Variants in RSPH14 observed in about 807,000 individuals in gnomAD.
RSPH14 encodes the protein radial spoke head 14 homolog.
In RSPH14, 20 loss-of-function variants were observed where a neutral mutation model predicts 26.7. That is an observed-to-expected ratio of 0.75 (90% CI 0.53 to 1.09). The LOEUF is 1.09. Among genes scored for constraint, RSPH14 ranks in the 50% least tolerant of loss-of-function variants. The pLI is 0.00. For missense variants in RSPH14, 449 were observed against 457.2 expected (o/e 0.98, Z 0.16); for synonymous variants, 177 against 189.3 (o/e 0.93, Z 0.53).
chr22:23,145,163 A>C (rs112037182), upstream of RSPH14: 7 of 597,148 alleles, frequency 1.2e-5, no homozygotes, highest in African/African-American at 7.4e-5. Flanking sequence ...CTCCCAGCCG[A>C]GCTGATCACC....
At chr22:23,072,654 G>A (rs1026105233) in intron 4 of RSPH14, among the ~76,000 whole-genome samples, 2 of 152,240 alleles carry the variant, frequency 1.3e-5, no homozygotes, top group East Asian at 1.9e-4. Flanking sequence ...GCCTGCCCTC[G>A]TGGGGTGTGC....
At chr22:23,089,600 C>T (rs980894778) in intron 4 of RSPH14, among the ~76,000 whole-genome samples, 3 of 152,168 alleles carry the variant, frequency 2.0e-5, no homozygotes, top group Non-Finnish European at 4.4e-5. Context: ...AGGGCTATCA[C>T]TCAACATCTG....
At chr22:23,065,500 G>A (rs1569153956) in intron 4 of RSPH14, among the ~76,000 whole-genome samples, 1 of 116,552 alleles carries the variant, frequency 8.6e-6, no homozygotes, top group South Asian at 3.0e-4. Context: ...TGCTTCTACT[G>A]TGTTGGCCTT....
rs138170978 is a variant in RSPH14 at position 23,109,038 on chromosome 22, G to A, written c.421+24988C>T. On this transcript the variant is annotated intron_variant, in intron 4 of 6. Coordinates refer to ENST00000216036, the MANE Select transcript of RSPH14 (RefSeq NM_014433.3). Reference sequence around the variant, plus strand: ...GGGCCTGAAGCTCAGCTCCATATCCGATGTGTCATCGTGGGAAGAGCAGTG... The same window carrying A: ...GGGCCTGAAGCTCAGCTCCATATCCAATGTGTCATCGTGGGAAGAGCAGTG... 6.6e-4 allele frequency among the ~76,000 whole-genome samples: 100 copies of A among 152,348 alleles called. 1 individual carries two copies. The highest frequency in any genetic ancestry group is 1.9e-3 in the African/African-American group (81 of 41,582).
intron 4 of RSPH14, among the ~76,000 whole-genome samples, chr22:23,112,045 A>G (rs751788082): frequency 1.3e-5 from 2 of 152,174 alleles, no homozygotes; most frequent in African/African-American, 2.4e-5. Flanking sequence ...CTTGGGGGTA[A>G]CCAGGAAAGG....
At chr22:23,112,307 C>T (rs2069678930) in intron 4 of RSPH14, among the ~76,000 whole-genome samples, 1 of 152,250 alleles carries the variant, frequency 6.6e-6, no homozygotes, top group East Asian at 1.9e-4. Flanking sequence ...TCCTTCGGCC[C>T]CGCCCCAAGC....
In RSPH14 at chr22:23,130,067, GAAAGAAAGAAAGAAAGGAAGAAA is replaced by G. The variant is rs1569192297; in HGVS notation, c.421+3936_421+3958del. The stretch of plus-strand genomic sequence containing the variant: ...AGAAAGAAAGAGAAAGAAAAAGAAA[GAAAGAAAGAAAGAAAGGAAGAAA>G]GAAAGAAAGAAAGAAAGAAAGAAAG... On this transcript the variant is annotated intron_variant, in intron 4 of 6. Transcript: ENST00000216036. Among the ~76,000 whole-genome samples the G allele has an allele frequency of 5.8e-4, 18 of 30,838 alleles. 1 individual carries two copies. Among genetic ancestry groups the G allele is most frequent in the African/African-American group, 2.9e-3 (17 of 5,942 alleles). The allele number at this position is 30,838 out of a possible 152,430, so 20.2% of individuals were successfully genotyped here.
chr22:23,122,846 A>C, intron 4 of RSPH14: 1 of 573,924 alleles, frequency 1.7e-6, no homozygotes, highest in Admixed American at 3.0e-5. Flanking sequence ...GGAGAGACCC[A>C]AAAGGGGCAA....
chr22:23,060,061 C>CT (rs2068059857), intron 6 of RSPH14, among the ~76,000 whole-genome samples: 4 of 152,174 alleles, frequency 2.6e-5, no homozygotes, highest in Non-Finnish European at 4.4e-5. Flanking sequence ...TGCCTACAGT[C>CT]CCAGCTACTC....
At chr22:23,133,975 C>T (rs776422166) in intron 4 of RSPH14, 51 bp downstream of exon 4, 15 of 1,337,136 alleles carry the variant, frequency 1.1e-5, no homozygotes, top group African/African-American at 4.3e-5. Context: ...GAGAGGAGAC[C>T]GACGGACAAC....
At chr22:23,147,696 A>G (rs533907650), upstream of RSPH14, among the ~76,000 whole-genome samples, 1 of 152,288 alleles carries the variant, frequency 6.6e-6, no homozygotes, top group East Asian at 1.9e-4. Flanking sequence ...AATGTGCATA[A>G]GGATAGGGGT....
intron 4 of RSPH14, among the ~76,000 whole-genome samples, chr22:23,076,557 C>T (rs562361069): frequency 6.6e-6 from 1 of 152,316 alleles, no homozygotes; most frequent in South Asian, 2.1e-4. Flanking sequence ...TGGATGCTAC[C>T]AGCTGGGCCC....
At chr22:23,088,842 C>A (rs1241302250) in intron 4 of RSPH14, among the ~76,000 whole-genome samples, 1 of 152,160 alleles carries the variant, frequency 6.6e-6, no homozygotes, top group Non-Finnish European at 1.5e-5. Context: ...GTGGCCTGGG[C>A]TGCCTGCCAC....
At chr22:23,094,800 TGA>T (rs1477827613) in intron 4 of RSPH14, among the ~76,000 whole-genome samples, 2 of 152,154 alleles carry the variant, frequency 1.3e-5, no homozygotes, top group Non-Finnish European at 2.9e-5. Context: ...GCGGGGGTAA[TGA>T]GAGTCAGGGA....
At chr22:23,123,528 G>A (rs2070091507) in intron 4 of RSPH14, 1 of 731,516 alleles carries the variant, frequency 1.4e-6, no homozygotes, top group African/African-American at 1.8e-5. Flanking sequence ...CAGAAAACAG[G>A]GGGCCTAAAG....
At chr22:23,150,691 C>T in the RSPH14 span, among the ~76,000 whole-genome samples, 36 of 152,266 alleles carry the variant, frequency 2.4e-4, no homozygotes, top group East Asian at 5.6e-3. Flanking sequence ...GATTTTTCAG[C>T]CTCAGGTCTT....
At chr22:23,151,652 TG>T in the RSPH14 span, among the ~76,000 whole-genome samples, 1 of 151,968 alleles carries the variant, frequency 6.6e-6, no homozygotes, top group Non-Finnish European at 1.5e-5. Context: ...GAGGCTGAGG[TG>T]GGAGGATCAC....
the RSPH14 span, chr22:23,161,077 A>G: frequency 6.7e-7 from 1 of 1,502,408 alleles, no homozygotes; most frequent in Middle Eastern, 1.8e-4. Flanking sequence ...TCGTCACCTG[A>G]GGCCTTGCCA....
the RSPH14 span, among the ~76,000 whole-genome samples, chr22:23,179,098 C>A: frequency 6.6e-6 from 1 of 152,186 alleles, no homozygotes; most frequent in South Asian, 2.1e-4. Flanking sequence ...AGCCCTGAAC[C>A]CAAGCAGGGC....
Sources: allele counts gnomAD v4.1 joint callset (sites outside exome capture counted in the v4.1 genomes callset), GRCh38; gene constraint gnomAD v4.1.1; transcripts MANE v1.5; gene names NCBI Gene and HGNC (gene_info 2026-07-23, HGNC 2026-07-21).